Variants in SUPT3H observed in about 807,000 individuals in gnomAD.
SUPT3H encodes transcription initiation protein SPT3 homolog.
Under a neutral mutation model 44.3 loss-of-function variants are expected in SUPT3H, and 44 were observed. That is an observed-to-expected ratio of 0.99 (90% confidence interval 0.78 to 1.28). The LOEUF (loss-of-function observed/expected upper bound fraction) is 1.28, where lower values mean the gene tolerates loss of function less well. SUPT3H is among the 50% of genes most tolerant of loss of function. The probability of loss-of-function intolerance (pLI) is 0.00; values close to 1 mark genes in which losing one functional copy is unlikely to be tolerated. For synonymous variants in SUPT3H, 124 were observed against 125.6 expected (o/e 0.99, Z 0.09); for missense variants, 380 against 387.1 (o/e 0.98, Z 0.15).
At chr6:44,909,922 G>C (rs1766741582) in intron 10 of SUPT3H, among the ~76,000 whole-genome samples, 1 of 152,234 alleles carries the variant, frequency 6.6e-6, no homozygotes, top group African/African-American at 2.4e-5. Flanking sequence ...AGTGAAATGA[G>C]AACTCTCACG....
intron 2 of SUPT3H, among the ~76,000 whole-genome samples, chr6:45,225,071 G>A (rs1177918476): frequency 6.6e-6 from 1 of 151,948 alleles, no homozygotes; most frequent in Non-Finnish European, 1.5e-5. Context: ...CTGAGGACAG[G>A]AGTTCAAGAC....
intron 10 of SUPT3H, among the ~76,000 whole-genome samples, chr6:44,890,334 C>T (rs1763072808): frequency 6.6e-6 from 1 of 151,216 alleles, no homozygotes; most frequent in African/African-American, 2.4e-5. Flanking sequence ...GCATTATTCA[C>T]AATAGCAAAG....
At chr6:45,307,993 G>A (rs1186973829) in intron 2 of SUPT3H, among the ~76,000 whole-genome samples, 1 of 152,196 alleles carries the variant, frequency 6.6e-6, no homozygotes, top group Non-Finnish European at 1.5e-5. Context: ...TGATCAACTG[G>A]AAGAAAGGGT....
At chr6:45,324,693 A>G (rs1213375415) in intron 2 of SUPT3H, among the ~76,000 whole-genome samples, 1 of 151,896 alleles carries the variant, frequency 6.6e-6, no homozygotes, top group Non-Finnish European at 1.5e-5. Context: ...GGCATTCCAC[A>G]TAATCTCACA....
chr6:45,332,589 C>T (rs1787735583), intron 2 of SUPT3H, among the ~76,000 whole-genome samples: 1 of 151,752 alleles, frequency 6.6e-6, no homozygotes, highest in African/African-American at 2.4e-5. Context: ...ATAGTGAAGT[C>T]ATGCAAAAGC....
At chr6:45,237,043 G>C (rs1769298576) in intron 2 of SUPT3H, among the ~76,000 whole-genome samples, 1 of 152,190 alleles carries the variant, frequency 6.6e-6, no homozygotes, top group African/African-American at 2.4e-5. Context: ...AGAGCCAGGA[G>C]AGCGTATAGC....
intron 2 of SUPT3H, among the ~76,000 whole-genome samples, chr6:45,147,951 T>C (rs1377669961): frequency 6.6e-6 from 1 of 152,110 alleles, no homozygotes; most frequent in African/African-American, 2.4e-5. Flanking sequence ...AAATTGATGA[T>C]TACAGAAAAA....
In SUPT3H at chr6:45,228,133, T is replaced by A. The variant is rs1407020197; in HGVS notation, c.102-122127A>T. On this transcript the variant is annotated intron_variant, in intron 2 of 10. Coordinates refer to ENST00000371459, the MANE Select transcript of SUPT3H (RefSeq NM_003599.4). ...TGCAATCAGTAAGTGAAGCCAAAAA[T>A]GTCTGCTTTTATTATTTTCTGCTTA... Among the ~76,000 whole-genome samples the A allele has an allele frequency of 2.6e-5, 4 of 152,200 alleles. No individual in the cohort carries two copies. The East Asian group carries it at 7.7e-4, about 29-fold the overall frequency.
chr6:44,929,826 G>A (rs1408296277), intron 10 of SUPT3H, among the ~76,000 whole-genome samples: 4 of 150,768 alleles, frequency 2.7e-5, no homozygotes, highest in Admixed American at 2.0e-4. Context: ...GGGTGGCCGC[G>A]TTATTGACAC....
At chr6:45,137,469 CAT>C (rs965379094) in intron 2 of SUPT3H, among the ~76,000 whole-genome samples, 8 of 151,732 alleles carry the variant, frequency 5.3e-5, no homozygotes, top group South Asian at 4.2e-4. Flanking sequence ...TTAAATATAC[CAT>C]ATGTCTATGT....
intron 2 of SUPT3H, among the ~76,000 whole-genome samples, chr6:45,152,691 C>T (rs1189059426): frequency 2.0e-5 from 3 of 152,018 alleles, no homozygotes; most frequent in Non-Finnish European, 2.9e-5. Context: ...GGGTTTTCAC[C>T]ATGTTGGCCA....
At chr6:44,862,705 A>G (rs1371093503) in intron 10 of SUPT3H, among the ~76,000 whole-genome samples, 1 of 151,392 alleles carries the variant, frequency 6.6e-6, no homozygotes, top group Non-Finnish European at 1.5e-5. Context: ...ATATTAAAAT[A>G]AAAAAAGAAA....
At chr6:44,973,392 C>G (rs1777871397) in intron 6 of SUPT3H, among the ~76,000 whole-genome samples, 1 of 152,198 alleles carries the variant, frequency 6.6e-6, no homozygotes, top group Non-Finnish European at 1.5e-5. Flanking sequence ...CCACCTTAGC[C>G]TGGACTTCAT....
At chr6:44,920,040 G>A (rs1054603312) in intron 10 of SUPT3H, among the ~76,000 whole-genome samples, 4 of 151,684 alleles carry the variant, frequency 2.6e-5, no homozygotes, top group African/African-American at 9.7e-5. Flanking sequence ...CACCACACCC[G>A]GCTAATTTTT....
At chr6:45,027,478 A>G (rs570787820) in intron 3 of SUPT3H, among the ~76,000 whole-genome samples, 25 of 152,272 alleles carry the variant, frequency 1.6e-4, no homozygotes, top group Non-Finnish European at 3.1e-4. Context: ...ATCAGTCTCC[A>G]TTGACTATTT....
At chr6:45,214,570 G>A (rs934487241) in intron 2 of SUPT3H, among the ~76,000 whole-genome samples, 6 of 152,186 alleles carry the variant, frequency 3.9e-5, no homozygotes, top group African/African-American at 1.4e-4. Context: ...TGAAAAGCCA[G>A]GTGTGGTGGC....
intron 2 of SUPT3H, among the ~76,000 whole-genome samples, chr6:45,310,040 T>C (rs1212075690): frequency 6.6e-6 from 1 of 152,092 alleles, no homozygotes; most frequent in African/African-American, 2.4e-5. Flanking sequence ...AAGCCTCTGG[T>C]AAGTTTTCAA....
At chr6:45,332,418 T>C (rs1353294251) in intron 2 of SUPT3H, among the ~76,000 whole-genome samples, 1 of 151,840 alleles carries the variant, frequency 6.6e-6, no homozygotes, top group Non-Finnish European at 1.5e-5. Flanking sequence ...ATATTATTTA[T>C]TTTTGCATTT....
chr6:45,185,052 C>T (rs1398796064), intron 2 of SUPT3H, among the ~76,000 whole-genome samples: 1 of 152,170 alleles, frequency 6.6e-6, no homozygotes, highest in East Asian at 1.9e-4. Context: ...TTTCCATCAT[C>T]TACCAGATAG....
Sources: allele counts gnomAD v4.1 joint callset (sites outside exome capture counted in the v4.1 genomes callset), GRCh38; gene constraint gnomAD v4.1.1; transcripts MANE v1.5; gene names NCBI Gene and HGNC (gene_info 2026-07-23, HGNC 2026-07-21).